The following PIK3R3 variants were observed in gnomAD, a reference collection of about 807,000 sequenced individuals.
PIK3R3 encodes phosphatidylinositol 3-kinase regulatory subunit gamma.
Under a neutral mutation model 62.9 loss-of-function variants are expected in PIK3R3, and 64 were observed. The ratio of observed to expected loss-of-function variants is 1.02; its 90% CI spans 0.83 to 1.25. The LOEUF (loss-of-function observed/expected upper bound fraction) is 1.25. Ranked by LOEUF, PIK3R3 falls within the 50% of genes most tolerant of loss-of-function variation. The probability of loss-of-function intolerance (pLI) is 0.00; values close to 1 mark genes in which losing one functional copy is unlikely to be tolerated. For synonymous variants in PIK3R3, 165 were observed against 189.0 expected (o/e 0.87, Z 1.04); for missense variants, 614 against 561.6 (o/e 1.09, Z -0.94).
At chr1:46,095,509 G>T (rs1003599654) in intron 1 of PIK3R3, among the ~76,000 whole-genome samples, 1 of 152,158 alleles carries the variant, frequency 6.6e-6, no homozygotes, top group Non-Finnish European at 1.5e-5. Context: ...CCTGTCGCGG[G>T]GTGGTAGGGG....
chr1:46,121,024 T>A (rs529546002), intron 1 of PIK3R3, among the ~76,000 whole-genome samples: 1 of 152,182 alleles, frequency 6.6e-6, no homozygotes, highest in Non-Finnish European at 1.5e-5. Flanking sequence ...ATTTTGCTAC[T>A]AGCCTGAGGA....
At chr1:46,115,070 G>GT in intron 1 of PIK3R3, among the ~76,000 whole-genome samples, 1 of 152,208 alleles carries the variant, frequency 6.6e-6, no homozygotes, top group Non-Finnish European at 1.5e-5. Context: ...ATTTTGCACT[G>GT]TATTTGTAGG....
intron 2 of PIK3R3, among the ~76,000 whole-genome samples, chr1:46,080,370 T>A (rs1468384186): frequency 1.3e-5 from 2 of 151,760 alleles, no homozygotes; most frequent in African/African-American, 4.8e-5. Context: ...CCTTAAATGG[T>A]AATCTTTAAA....
chr1:46,170,300 C>T, the PIK3R3 span, among the ~76,000 whole-genome samples: 2 of 152,226 alleles, frequency 1.3e-5, no homozygotes, highest in Non-Finnish European at 1.5e-5. Flanking sequence ...GTTATGTTTT[C>T]TTTGTTTGTA....
the PIK3R3 span, among the ~76,000 whole-genome samples, chr1:46,171,405 G>A: frequency 6.6e-6 from 1 of 152,208 alleles, no homozygotes; most frequent in East Asian, 1.9e-4. Context: ...GGGTAGGTGT[G>A]GGAAGAAGGG....
chr1:46,152,309 G>A, the PIK3R3 span, among the ~76,000 whole-genome samples: 5,366 of 151,788 alleles, frequency 0.035, 310 homozygotes, highest in African/African-American at 0.12. Flanking sequence ...CAGCATCTCA[G>A]TAGAGTAGTA....
intron 1 of PIK3R3, among the ~76,000 whole-genome samples, chr1:46,094,365 G>C (rs1235075786): frequency 6.6e-6 from 1 of 152,044 alleles, no homozygotes; most frequent in Admixed American, 6.6e-5. Flanking sequence ...CTTAGATGCA[G>C]AATAATGCTT....
intron 3 of PIK3R3, among the ~76,000 whole-genome samples, chr1:46,071,406 G>A (rs192539293): frequency 1.3e-5 from 2 of 152,028 alleles, no homozygotes; most frequent in African/African-American, 4.8e-5. Flanking sequence ...GCAGCTAGAA[G>A]TCAACATCTA....
intron 6 of PIK3R3, among the ~76,000 whole-genome samples, chr1:46,060,150 G>A (rs1648347825): frequency 6.6e-6 from 1 of 151,574 alleles, no homozygotes; most frequent in African/African-American, 2.4e-5. Flanking sequence ...ACTTCCCTCT[G>A]CAACAAAACT....
In PIK3R3 at chr1:46,061,963, ATC is replaced by A; in HGVS notation, c.728_729del (p.Arg243LeufsTer7). ...QEQHSKEYIERFRREGNEKEI... is the reference protein window; with the variant it reads ...QEQHSKEYIEXFRREGNEKEI... ...TCCTTTTCATTCCCCTCTCTGCGAA[ATC>A]GCTCAATATATTCTTTGCTATGTTG... On this transcript the variant is annotated frameshift_variant, in exon 6 of 10. Transcript: ENST00000262741. LOFTEE classifies it high-confidence loss of function. The A allele has an allele frequency of 6.2e-7, 1 of 1,613,572 alleles. No homozygotes were observed. The highest frequency in any genetic ancestry group is 8.5e-7 in the Non-Finnish European group (1 of 1,179,520).
chr1:46,109,482 TTTTTG>T (rs1206928003), intron 1 of PIK3R3, among the ~76,000 whole-genome samples: 1 of 152,038 alleles, frequency 6.6e-6, no homozygotes, highest in African/African-American at 2.4e-5. Context: ...ATGTGCTGGT[TTTTTG>T]TTTTGTTTTT....
At chr1:46,098,643 C>T (rs1652369018) in intron 1 of PIK3R3, among the ~76,000 whole-genome samples, 2 of 152,158 alleles carry the variant, frequency 1.3e-5, no homozygotes, top group Admixed American at 6.5e-5. Context: ...AATAGGCAAA[C>T]TTATAGAGAC....
At chr1:46,151,124 T>G in the PIK3R3 span, among the ~76,000 whole-genome samples, 1 of 152,126 alleles carries the variant, frequency 6.6e-6, no homozygotes. Flanking sequence ...GGTAAACATT[T>G]TTTAAAGAGT....
Position 46,132,191 on chromosome 1 carries a change from A to G in PIK3R3, c.-239T>C. 11 of 1,284,818 alleles carry G rather than the reference A, an allele frequency of 8.6e-6. No individual in the cohort carries two copies. The highest frequency in any genetic ancestry group is 1.1e-5 in the Non-Finnish European group (11 of 1,010,174). The allele number at this position is 1,284,818 out of a possible 1,614,324, so 79.6% of individuals were successfully genotyped here. On this transcript the variant is annotated 5_prime_UTR_variant, in exon 1 of 10. Coordinates refer to ENST00000262741, the MANE Select transcript of PIK3R3 (RefSeq NM_003629.4). ...TATGGGCTTTTCTCCTCAGAGGATT[A>G]CACAGAGGCTTGGGGGACGGAGAGC... is the stretch of plus-strand genomic sequence containing the variant.
rs1241248648 is a variant in PIK3R3, at chr1:46,041,936, T to A, written c.*1737A>T. 1 of 217,320 alleles carries A rather than the reference T, an allele frequency of 4.6e-6. No individual in the cohort carries two copies. Among genetic ancestry groups the A allele is most frequent in the African/African-American group, 2.2e-5 (1 of 44,474 alleles). The allele number at this position is 217,320 out of a possible 1,614,324, so 13.5% of individuals were successfully genotyped here. A position where few individuals can be genotyped will look rare whatever the true frequency, so the allele number is the denominator to read the frequency against. On this transcript the variant is annotated 3_prime_UTR_variant, in exon 10 of 10. Coordinates refer to ENST00000262741, the MANE Select transcript of PIK3R3 (RefSeq NM_003629.4). ...ATGGTCCATATTTTAGACCCTGTCA[T>A]GGAAATAAGTGCTCAGGTAAACTAA...
the PIK3R3 span, among the ~76,000 whole-genome samples, chr1:46,161,880 C>A: frequency 3.3e-5 from 5 of 151,856 alleles, no homozygotes; most frequent in Non-Finnish European, 7.4e-5. Flanking sequence ...ATCACGAGGT[C>A]AGGAGATCGA....
chr1:46,065,940 T>C (rs897443390), intron 5 of PIK3R3, 114 bp downstream of exon 5: 14 of 859,292 alleles, frequency 1.6e-5, no homozygotes, highest in Non-Finnish European at 2.5e-5. Flanking sequence ...TCAAAAAGGC[T>C]GTTTAAGCCT....
intron 1 of PIK3R3, among the ~76,000 whole-genome samples, chr1:46,083,492 A>G (rs999992982): frequency 6.6e-6 from 1 of 152,208 alleles, no homozygotes; most frequent in African/African-American, 2.4e-5. Flanking sequence ...GTAAGTAGAA[A>G]TGATAAAATA....
At chr1:46,066,705 C>G (rs931014707) in intron 4 of PIK3R3, among the ~76,000 whole-genome samples, 1 of 152,078 alleles carries the variant, frequency 6.6e-6, no homozygotes, top group Non-Finnish European at 1.5e-5. Flanking sequence ...GCAGGAGGAC[C>G]ACTTGAGCCC....
Sources: allele counts gnomAD v4.1 joint callset (sites outside exome capture counted in the v4.1 genomes callset), GRCh38; gene constraint gnomAD v4.1.1; transcripts MANE v1.5; gene names NCBI Gene and HGNC (gene_info 2026-07-23, HGNC 2026-07-21).